The following CDKL5 variants were observed in gnomAD, a reference collection of about 807,000 sequenced individuals.
The protein encoded by CDKL5 is cyclin-dependent kinase-like 5.
A neutral mutation model predicts 61.7 loss-of-function variants in CDKL5; 8 were observed. The observed-to-expected ratio is 0.13, with a 90% CI of 0.08 to 0.23. The LOEUF (loss-of-function observed/expected upper bound fraction) is 0.23, where lower values mean the gene tolerates loss of function less well. Among genes scored for constraint, CDKL5 ranks in the 10% least tolerant of loss-of-function variants. CDKL5 has a pLI of 1.00. For missense variants in CDKL5, 440 were observed against 734.5 expected (o/e 0.60, Z 4.63); for synonymous variants, 275 against 272.3 (o/e 1.01, Z -0.10).
intron 15 of CDKL5, among the ~76,000 whole-genome samples, chrX:18,614,178 C>T (rs978267049): frequency 1.8e-5 from 2 of 111,926 alleles, no homozygotes; most frequent in Admixed American, 1.9e-4. Context: ...GTACTCCTGA[C>T]TCCATGTGAT....
chrX:18,598,152 T>G (rs1346470427), intron 10 of CDKL5, among the ~76,000 whole-genome samples: 1 of 111,431 alleles, frequency 9.0e-6, no homozygotes, highest in Non-Finnish European at 1.9e-5. Context: ...TACTTTAAAT[T>G]TTTTAATTAT....
chrX:18,540,156 GGTT>G lies in CDKL5; in HGVS notation c.100-24293_100-24291del, dbSNP rs745863506. On this transcript the variant is annotated intron_variant, in intron 3 of 17. Transcript: ENST00000623535. ...TTCTTTGGTTATCTTTTACTTTCTT[GGTT>G]GTTGTTGTTGTTGTTGTTGTTGTTG... 2.9e-3 allele frequency among the ~76,000 whole-genome samples: 314 copies of G among 109,078 alleles called. 2 individuals are homozygous for G. The highest frequency in any genetic ancestry group is 9.3e-3 in the African/African-American group (277 of 29,814). The allele number at this position is 109,078 out of a possible 115,157, so 94.7% of individuals were successfully genotyped here.
intron 11 of CDKL5, among the ~76,000 whole-genome samples, 165 bp from the exon 12 acceptor site, chrX:18,603,737 T>C (rs930409485): frequency 8.9e-6 from 1 of 112,568 alleles, no homozygotes; most frequent in Non-Finnish European, 1.9e-5. Context: ...TCTAAGAAAC[T>C]TAATTGCTGT....
At chrX:18,593,115 C>G (rs1037621064) in intron 9 of CDKL5, among the ~76,000 whole-genome samples, 2 of 111,982 alleles carry the variant, frequency 1.8e-5, no homozygotes, top group Non-Finnish European at 3.8e-5. Context: ...AATGTCTAGA[C>G]CAGAACCTCA....
chrX:18,584,312 C>T lies in CDKL5; in HGVS notation c.513C>T (p.Tyr171=), dbSNP rs267608490. 19 of 1,203,785 alleles carry T rather than the reference C, an allele frequency of 1.6e-5. No homozygotes were observed. The Admixed American group carries it at 1.8e-4, about 11-fold the overall frequency. ...GCAATAATGCTAATTACACAGAGTA[C>T]GTTGCCACCAGATGGTATCGGTCCC... is the stretch of plus-strand genomic sequence containing the variant. ...SEGNNANYTE[Y]VATRWYRSPE... Residue 171 remains tyrosine, a synonymous_variant, in exon 8 of 18, where the codon TAC becomes TAT. Coordinates refer to ENST00000623535, the MANE Select transcript of CDKL5 (RefSeq NM_001323289.2).
intron 1 of CDKL5, among the ~76,000 whole-genome samples, chrX:18,485,098 C>CT (rs767729217): frequency 2.4e-3 from 244 of 100,765 alleles, no homozygotes; most frequent in African/African-American, 7.1e-3. Context: ...ATTTTTTTTT[C>CT]TTTTTTTTTT....
chrX:18,636,837 A>G lies in CDKL5; in HGVS notation c.*8080A>G, dbSNP rs996785514. On this transcript the variant is annotated 3_prime_UTR_variant, in exon 18 of 18. Transcript: ENST00000623535. ...CACGATGTATAACATATTCTTCTCTAAAAGCTCACAACAATTTATGTGCCA... is the reference window on the plus strand; with the variant it reads ...CACGATGTATAACATATTCTTCTCTGAAAGCTCACAACAATTTATGTGCCA... 2.7e-5 allele frequency: 3 copies of G among 112,398 alleles called. No homozygotes were observed. The highest frequency in any genetic ancestry group is 5.6e-5 in the Non-Finnish European group (3 of 53,301). The allele number at this position is 112,398 out of a possible 1,213,427, so 9.3% of individuals were successfully genotyped here. A position where few individuals can be genotyped will look rare whatever the true frequency, so the allele number is the denominator to read the frequency against.
At position 18,631,030 on chromosome X, in the gene CDKL5, T is replaced by C. The variant is rs765144389; in HGVS notation, c.*2273T>C. The C allele has an allele frequency of 2.8e-5, 21 of 748,410 alleles. No homozygotes were observed. In the South Asian group the frequency reaches 1.3e-3, roughly 47 times the overall value. 61.7% of individuals were successfully genotyped at this position (748,410 alleles called of 1,213,427 possible). A position where few individuals can be genotyped will look rare whatever the true frequency, so the allele number is the denominator to read the frequency against. On this transcript the variant is annotated 3_prime_UTR_variant, in exon 18 of 18. Coordinates refer to ENST00000623535, the MANE Select transcript of CDKL5 (RefSeq NM_001323289.2). ...AAAGACTTCTCACTGTGCTATGCGC[T>C]TAGGAACTGCACGGTCCCGTTGCCA...
intron 10 of CDKL5, 52 bp from the exon 11 acceptor site, chrX:18,598,410 C>A: frequency 9.4e-7 from 1 of 1,062,157 alleles, no homozygotes. Context: ...TTTATTAGAA[C>A]TTAAATTTGA....
intron 1 of CDKL5, among the ~76,000 whole-genome samples, chrX:18,498,656 A>G (rs1922268596): frequency 8.9e-6 from 1 of 112,283 alleles, no homozygotes; most frequent in African/African-American, 3.2e-5. Context: ...CTTGATTGAC[A>G]TATGGATTAT....
chrX:18,439,941 T>C (rs1230529919), intron 1 of CDKL5, among the ~76,000 whole-genome samples: 10 of 111,239 alleles, frequency 9.0e-5, no homozygotes, highest in Non-Finnish European at 1.9e-4. Flanking sequence ...TAAAAATAAT[T>C]TATTGCCAAA....
At chrX:18,646,918 TA>T (rs1232436702) in intron 20 of CDKL5, among the ~76,000 whole-genome samples, 2 of 111,274 alleles carry the variant, frequency 1.8e-5, no homozygotes, top group Non-Finnish European at 1.9e-5. Context: ...GAGAGGCCTA[TA>T]TTTTTTTTCA....
At chrX:18,614,091 A>T (rs959296081) in intron 15 of CDKL5, among the ~76,000 whole-genome samples, 2 of 111,254 alleles carry the variant, frequency 1.8e-5, no homozygotes, top group Non-Finnish European at 3.8e-5. Context: ...AAGACACTGG[A>T]TTTGGAACAA....
chrX:18,630,956 A>G lies in CDKL5; in HGVS notation c.*2199A>G, dbSNP rs1249348446. The G allele has an allele frequency of 2.7e-6, 2 of 742,565 alleles. No individual in the cohort carries two copies. The highest frequency in any genetic ancestry group is 1.0e-4 in the Admixed American group (1 of 9,735). 61.2% of individuals were successfully genotyped at this position (742,565 alleles called of 1,213,427 possible). A position where few individuals can be genotyped will look rare whatever the true frequency, so the allele number is the denominator to read the frequency against. On this transcript the variant is annotated 3_prime_UTR_variant, in exon 18 of 18. Coordinates refer to ENST00000623535, the MANE Select transcript of CDKL5 (RefSeq NM_001323289.2). Reference sequence around the variant, plus strand: ...CTCTTCTTTTTCATACTAGATCTCTACCTTGTATTCCCCCCTTGCAAACCA... The same window carrying G: ...CTCTTCTTTTTCATACTAGATCTCTGCCTTGTATTCCCCCCTTGCAAACCA...
At chrX:18,441,501 A>G (rs953150452) in intron 1 of CDKL5, among the ~76,000 whole-genome samples, 2 of 111,666 alleles carry the variant, frequency 1.8e-5, no homozygotes, top group Middle Eastern at 4.6e-3. Flanking sequence ...TATTTGCTTT[A>G]AACTATAAAC....
At chrX:18,649,357 C>T (rs1432860691) in intron 20 of CDKL5, among the ~76,000 whole-genome samples, 1 of 111,734 alleles carries the variant, frequency 8.9e-6, no homozygotes, top group Admixed American at 9.5e-5. Flanking sequence ...ACCTCATTCT[C>T]CTAGTTTTCT....
intron 3 of CDKL5, among the ~76,000 whole-genome samples, chrX:18,526,787 CTT>C (rs751799416): frequency 2.9e-5 from 3 of 101,787 alleles, no homozygotes; most frequent in Non-Finnish European, 2.0e-5. Flanking sequence ...GCCTTTCTTT[CTT>C]TTTTTTTTTT....
intron 1 of CDKL5, among the ~76,000 whole-genome samples, chrX:18,497,831 T>C (rs990185908): frequency 9.2e-6 from 1 of 109,047 alleles, no homozygotes; most frequent in Non-Finnish European, 1.9e-5. Context: ...TTCCTTCCTT[T>C]CTTTCCTTTC....
intron 1 of CDKL5, among the ~76,000 whole-genome samples, chrX:18,505,701 G>A (rs1922554572): frequency 1.8e-5 from 2 of 112,449 alleles, no homozygotes; most frequent in Middle Eastern, 4.7e-3. Flanking sequence ...CTATCAGGGG[G>A]CATATAATGT....
Sources: allele counts gnomAD v4.1 joint callset (sites outside exome capture counted in the v4.1 genomes callset), GRCh38; gene constraint gnomAD v4.1.1; transcripts MANE v1.5; gene names NCBI Gene and HGNC (gene_info 2026-07-23, HGNC 2026-07-21).